The following GJD4 variants were observed in gnomAD, a reference collection of about 807,000 sequenced individuals.
GJD4 encodes gap junction protein delta 4.
GJD4 carries 18 observed loss-of-function variants against 17.9 expected under a neutral mutation model. That is an observed-to-expected ratio of 1.00 (90% CI 0.69 to 1.49). The LOEUF is 1.49. Ranked by LOEUF, GJD4 falls within the 40% of genes most tolerant of loss-of-function variation. The pLI is 0.00. For synonymous variants in GJD4, 293 were observed against 236.8 expected (o/e 1.24, Z -2.18); for missense variants, 639 against 506.9 (o/e 1.26, Z -2.50).
Position 35,608,500 on chromosome 10 carries a change from G to T in GJD4, c.987G>T (p.Glu329Asp). 1 of 1,549,682 alleles carries T rather than the reference G, an allele frequency of 6.5e-7. No individual in the cohort carries two copies. Among genetic ancestry groups the T allele is most frequent in the Non-Finnish European group, 8.7e-7 (1 of 1,147,522 alleles). Residue 329 changes from glutamate to aspartate, a missense_variant, in exon 2 of 2, where the codon GAG (glutamate) becomes GAT (aspartate). Transcript: ENST00000321660. ...AQDPRGSGSE[E>D]QPSAAPSRLA... ...ACCCCAGGGGCTCAGGATCCGAGGA[G>T]CAGCCCTCAGCAGCCCCCAGCCGCC...
In GJD4 at chr10:35,607,662, A is replaced by T. The variant is rs761451718; in HGVS notation, c.149A>T (p.Glu50Val). ...CGACCCGTCTACCAGGACGAGCAGG[A>T]GAGGTTTGTCTGCAACACGCTGCAG... is the stretch of plus-strand genomic sequence containing the variant. The part of the protein sequence containing the change: ...AGRPVYQDEQ[E>V]RFVCNTLQPG... Residue 50 changes from glutamate (E) to valine (V), a missense_variant, in exon 2 of 2, where the codon GAG becomes GTG. Glu to Val is a moderately radical substitution (Grantham distance 121). Transcript: ENST00000321660. The T allele has an allele frequency of 1.2e-6, 2 of 1,614,138 alleles. No homozygotes were observed. The highest frequency in any genetic ancestry group is 1.7e-6 in the Non-Finnish European group (2 of 1,180,030).
In GJD4 at chr10:35,608,377, G is replaced by A. The variant is rs1455288498; in HGVS notation, c.864G>A (p.Thr288=). 1.3e-6 allele frequency: 2 copies of A among 1,551,954 alleles called. No homozygotes were observed. The highest frequency in any genetic ancestry group is 1.7e-6 in the Non-Finnish European group (2 of 1,148,328). Residue 288 remains threonine (T), a synonymous_variant, in exon 2 of 2, where the codon ACG becomes ACA. Transcript: ENST00000321660. Reference sequence around the variant, plus strand: ...GTACATCCAGGGTGTCAGGGCACACGAAGATTCCGGATGAGGATGAGAGTG... The same window carrying A: ...GTACATCCAGGGTGTCAGGGCACACAAAGATTCCGGATGAGGATGAGAGTG... ...PRRTSRVSGH[T]KIPDEDESEV...
In GJD4 at chr10:35,605,628, G is replaced by T. The variant is rs1216834232; in HGVS notation, c.61G>T (p.Val21Leu). The change falls in exon 1 of 2, where the codon GTG (valine) becomes TTG (leucine). Residue 21 changes from valine to leucine, a missense_variant. Val to Leu is a conservative substitution (Grantham distance 32). Coordinates refer to ENST00000321660, the MANE Select transcript of GJD4 (RefSeq NM_153368.3). ...IITLNCNVTM[V>L]GKLWFVLTML... ...CACATTAAACTGCAACGTGACCATGGTGGGTGAGTATTGGGACCATCTCCA... is the reference window on the plus strand; with the variant it reads ...CACATTAAACTGCAACGTGACCATGTTGGGTGAGTATTGGGACCATCTCCA... 7 of 1,612,082 alleles carry T rather than the reference G, an allele frequency of 4.3e-6. No individual in the cohort carries two copies. The highest frequency in any genetic ancestry group is 1.1e-5 in the South Asian group (1 of 91,056).
At position 35,608,641 on chromosome 10, in the gene GJD4, G is replaced by A. The variant is rs755689380; in HGVS notation, c.*15G>A. 1.4e-6 allele frequency: 2 copies of A among 1,461,032 alleles called. No homozygotes were observed. The highest frequency in any genetic ancestry group is 2.9e-5 in the African/African-American group (2 of 69,694). The allele number at this position is 1,461,032 out of a possible 1,614,324, so 90.5% of individuals were successfully genotyped here. A position where few individuals can be genotyped will look rare whatever the true frequency, so the allele number is the denominator to read the frequency against. On this transcript the variant is annotated 3_prime_UTR_variant, in exon 2 of 2. Transcript: ENST00000321660. Reference sequence around the variant, plus strand: ...AGTGGGTGTGAAAAAAACAGCACCTGGCGGTGCCCCGGGGCTCACGCCTGT... The same window carrying A: ...AGTGGGTGTGAAAAAAACAGCACCTAGCGGTGCCCCGGGGCTCACGCCTGT...
intron 1 of GJD4, 168 bp downstream of exon 1, chr10:35,605,799 A>C (rs1835448553): frequency 3.2e-6 from 2 of 615,606 alleles, no homozygotes; most frequent in East Asian, 5.5e-5. Flanking sequence ...TGGAGGGAAG[A>C]GAGCTGAGGC....
At position 35,608,341 on chromosome 10, in the gene GJD4, C is replaced by G. The variant is rs2135488601; in HGVS notation, c.828C>G (p.Gly276=). ...PGARAGGEGA[G]SPRRTSRVSG... ...CACGCGCCGGAGGGGAGGGGGCTGGCAGCCCCAGGCGTACATCCAGGGTGT... is the reference window on the plus strand; with the variant it reads ...CACGCGCCGGAGGGGAGGGGGCTGGGAGCCCCAGGCGTACATCCAGGGTGT... The change falls in exon 2 of 2, where the codon GGC becomes GGG. Residue 276 remains glycine, a synonymous_variant. Transcript: ENST00000321660. The G allele has an allele frequency of 6.5e-7, 1 of 1,549,610 alleles. No individual in the cohort carries two copies. Among genetic ancestry groups the G allele is most frequent in the Non-Finnish European group, 8.7e-7 (1 of 1,147,796 alleles).
intron 1 of GJD4, chr10:35,606,427 G>C (rs1259180162): frequency 6.6e-6 from 1 of 152,116 alleles, no homozygotes; most frequent in Non-Finnish European, 1.5e-5. Context: ...TTTTAACAAA[G>C]AAAATAATAG....
intron 1 of GJD4, chr10:35,606,879 T>TA (rs1162175087): frequency 7.9e-5 from 12 of 152,130 alleles, no homozygotes; most frequent in African/African-American, 2.7e-4. Context: ...TCTGAATGAT[T>TA]AAAAAATCTG....
Position 35,605,378 on chromosome 10 carries a change from C to T in GJD4, c.-190C>T. The T allele has an allele frequency of 1.6e-6, 1 of 628,020 alleles. No individual in the cohort carries two copies. The highest frequency in any genetic ancestry group is 2.8e-6 in the Non-Finnish European group (1 of 351,918). The allele number at this position is 628,020 out of a possible 1,614,324, so 38.9% of individuals were successfully genotyped here. On this transcript the variant is annotated 5_prime_UTR_variant, in exon 1 of 2. Transcript: ENST00000321660. Reference sequence around the variant, plus strand: ...TGTCAGGAATGTTTCGCCTCAGAGGCAAACGGCTTAGGGCCGTCTCAACTT... The same window carrying T: ...TGTCAGGAATGTTTCGCCTCAGAGGTAAACGGCTTAGGGCCGTCTCAACTT...
intron 1 of GJD4, 90 bp downstream of exon 1, chr10:35,605,721 C>A: frequency 9.5e-7 from 1 of 1,057,880 alleles, no homozygotes; most frequent in Non-Finnish European, 1.5e-6. Context: ...CAGGTATTTA[C>A]TCATTTTCAG....
In GJD4 at chr10:35,607,924, C is replaced by T. The variant is rs752304477; in HGVS notation, c.411C>T (p.Pro137=). 4.4e-6 allele frequency: 7 copies of T among 1,605,150 alleles called. No individual in the cohort carries two copies. The East Asian group carries it at 1.6e-4, about 36-fold the overall frequency. The change falls in exon 2 of 2, where the codon CCC becomes CCT. Residue 137 remains proline, a synonymous_variant. Coordinates refer to ENST00000321660, the MANE Select transcript of GJD4 (RefSeq NM_153368.3). ...GGGAGCGCGGCGGCCTCCAGGTGCCCGACTTTTCGGCCGGCTACATCATCC... is the reference window on the plus strand; with the variant it reads ...GGGAGCGCGGCGGCCTCCAGGTGCCTGACTTTTCGGCCGGCTACATCATCC... ...PFGERGGLQV[P]DFSAGYIIHL... is the part of the protein sequence containing the mutation.
chr10:35,607,822 C>A lies in GJD4; in HGVS notation c.309C>A (p.Leu103=), dbSNP rs1396167390. 5.0e-6 allele frequency: 8 copies of A among 1,600,662 alleles called. No individual in the cohort carries two copies. Among genetic ancestry groups the A allele is most frequent in the East Asian group, 2.2e-5 (1 of 44,812 alleles). The part of the protein sequence containing the change: ...SVYVLHRGAT[L]AALGPRRCPD... ...ATGTCCTGCACCGAGGAGCCACGCT[C>A]GCCGCGCTGGGCCCCCGCCGCTGCC... is the stretch of plus-strand genomic sequence containing the variant. Residue 103 remains leucine (L), a synonymous_variant, in exon 2 of 2, where the codon CTC becomes CTA. Coordinates refer to ENST00000321660, the MANE Select transcript of GJD4 (RefSeq NM_153368.3).
intron 1 of GJD4, 142 bp downstream of exon 1, chr10:35,605,773 A>C: frequency 1.5e-6 from 1 of 666,512 alleles, no homozygotes; most frequent in Non-Finnish European, 2.7e-6. Flanking sequence ...TCCCAAAAGA[A>C]AGGGCTGTGC....
chr10:35,608,441 C>T lies in GJD4; in HGVS notation c.928C>T (p.Pro310Ser). 1 of 1,547,954 alleles carries T rather than the reference C, an allele frequency of 6.5e-7. No homozygotes were observed. Among genetic ancestry groups the T allele is most frequent in the Non-Finnish European group, 8.7e-7 (1 of 1,146,590 alleles). The change falls in exon 2 of 2, where the codon CCC becomes TCC. Residue 310 changes from proline to serine, a missense_variant. By Grantham distance (74) the Pro-to-Ser change is moderately conservative. Coordinates refer to ENST00000321660, the MANE Select transcript of GJD4 (RefSeq NM_153368.3). ...CGCCAGCGAAAAGCTGGGCAGACAG[C>T]CCCGGGGCAGGCCCCACCGAGAGGC... The part of the protein sequence containing the change: ...SSASEKLGRQ[P>S]RGRPHREAAQ...
Position 35,608,575 on chromosome 10 carries a change from C to A in GJD4, c.1062C>A (p.Ala354=). ...GCCTGCAGCCCCCTGACCCGCCTGCCAGCTCCAGTGGTGCTCCCCACCTGA... is the reference window on the plus strand; with the variant it reads ...GCCTGCAGCCCCCTGACCCGCCTGCAAGCTCCAGTGGTGCTCCCCACCTGA... ...CSSLQPPDPP[A]SSSGAPHLRA... The change falls in exon 2 of 2, where the codon GCC becomes GCA. Residue 354 remains alanine, a synonymous_variant. Coordinates refer to ENST00000321660, the MANE Select transcript of GJD4 (RefSeq NM_153368.3). 6.4e-7 allele frequency: 1 copy of A among 1,553,210 alleles called. No individual in the cohort carries two copies. Among genetic ancestry groups the A allele is most frequent in the Non-Finnish European group, 8.7e-7 (1 of 1,153,056 alleles).
Position 35,605,417 on chromosome 10 carries a change from C to T in GJD4, c.-151C>T, listed in dbSNP as rs1402364555. The T allele has an allele frequency of 5.8e-6, 4 of 692,178 alleles. No individual in the cohort carries two copies. Among genetic ancestry groups the T allele is most frequent in the Non-Finnish European group, 1.0e-5 (4 of 390,470 alleles). The allele number at this position is 692,178 out of a possible 1,614,324, so 42.9% of individuals were successfully genotyped here. On this transcript the variant is annotated 5_prime_UTR_variant, in exon 1 of 2. Coordinates refer to ENST00000321660, the MANE Select transcript of GJD4 (RefSeq NM_153368.3). ...CCGTCTCAACTTGGAGACAGAAAAA[C>T]CCACCTCCTACTCCTGGCTCAGACC...
In GJD4 at chr10:35,608,164, C is replaced by G. The variant is rs897994887; in HGVS notation, c.651C>G (p.Val217=). ...TTCTGCTGGGCCTCGCCGACCTGGT[C>G]TGCAGCCTGCGGCGGCGGATGCGCA... The part of the protein sequence containing the change: ...LSFLLGLADL[V]CSLRRRMRRR... Residue 217 remains valine (V), a synonymous_variant, in exon 2 of 2, where the codon GTC becomes GTG. Transcript: ENST00000321660. 1 of 1,603,934 alleles carries G rather than the reference C, an allele frequency of 6.2e-7. No homozygotes were observed. The highest frequency in any genetic ancestry group is 1.3e-5 in the African/African-American group (1 of 74,772).
chr10:35,608,041 G>T lies in GJD4; in HGVS notation c.528G>T (p.Thr176=). The T allele has an allele frequency of 6.2e-7, 1 of 1,610,368 alleles. No individual in the cohort carries two copies. Among genetic ancestry groups the T allele is most frequent in the South Asian group, 1.1e-5 (1 of 90,804 alleles). Residue 176 remains threonine (T), a synonymous_variant, in exon 2 of 2, where the codon ACG becomes ACT. Coordinates refer to ENST00000321660, the MANE Select transcript of GJD4 (RefSeq NM_153368.3). ...TGGCCCCGAAGAAGTTCCCTTGCAC[G>T]CGCCCTCCGTGCACGGGCGTGGTGG... The part of the protein sequence containing the change: ...GFLAPKKFPC[T]RPPCTGVVDC...
At chr10:35,607,428 AC>A in intron 1 of GJD4, 149 bp from the exon 2 acceptor site, 1 of 651,554 alleles carries the variant, frequency 1.5e-6, no homozygotes, top group South Asian at 1.9e-5. Context: ...TCCAACAACA[AC>A]AACAACGACA....
Sources: allele counts gnomAD v4.1 joint callset, GRCh38; gene constraint gnomAD v4.1.1; transcripts MANE v1.5; gene names NCBI Gene and HGNC (gene_info 2026-07-23, HGNC 2026-07-21).